CDKAL1: variants seen among roughly 807,000 people sequenced by gnomAD.
CDKAL1 encodes the protein CDKAL1 threonylcarbamoyladenosine tRNA methylthiotransferase, also known as threonylcarbamoyladenosine tRNA methylthiotransferase.
In CDKAL1, 32 loss-of-function variants were observed where a neutral mutation model predicts 68.2. That is an observed-to-expected ratio of 0.47 (90% CI 0.35 to 0.63). The LOEUF (loss-of-function observed/expected upper bound fraction) is 0.63. CDKAL1 is among the 30% of genes least tolerant of loss of function. The pLI, the probability that CDKAL1 is intolerant of heterozygous loss-of-function variation, is 0.00. For missense variants in CDKAL1, 606 were observed against 696.7 expected, an observed-to-expected ratio of 0.87 and a Z score of 1.47; for synonymous variants, 234 against 244.3, an observed-to-expected ratio of 0.96 and a Z score of 0.39.
intron 15 of CDKAL1, among the ~76,000 whole-genome samples, chr6:21,220,628 C>T (rs1353470465): frequency 6.6e-6 from 1 of 152,118 alleles, no homozygotes; most frequent in Non-Finnish European, 1.5e-5. Flanking sequence ...GTAAATGTAA[C>T]AAGCCAAAAA....
rs116068656 is a variant in CDKAL1 at position 20,655,377 on chromosome 6, C to T, written c.371+6000C>T. ...GGATCTCATCTAAAGTGGAGGTGTTCAGAATTGGAAGGAATACATTGACTT... is the reference window on the plus strand; with the variant it reads ...GGATCTCATCTAAAGTGGAGGTGTTTAGAATTGGAAGGAATACATTGACTT... On this transcript the variant is annotated intron_variant, in intron 5 of 15. Transcript: ENST00000274695. Among the ~76,000 whole-genome samples the T allele has an allele frequency of 2.7e-3, 412 of 152,180 alleles. 5 individuals are homozygous for T. Among genetic ancestry groups the T allele is most frequent in the African/African-American group, 9.3e-3 (385 of 41,512 alleles).
At chr6:20,791,837 C>T (rs1235708691) in intron 8 of CDKAL1, among the ~76,000 whole-genome samples, 3 of 151,450 alleles carry the variant, frequency 2.0e-5, no homozygotes, top group African/African-American at 2.4e-5. Flanking sequence ...TTTTTTCCCA[C>T]TTCTACTGGA....
chr6:20,603,836 G>A (rs1766215982), intron 4 of CDKAL1, among the ~76,000 whole-genome samples: 1 of 141,816 alleles, frequency 7.1e-6, no homozygotes, highest in African/African-American at 2.7e-5. Context: ...GAGTGCAGTG[G>A]TGTGATACCG....
At chr6:21,004,649 G>A (rs756992042) in intron 11 of CDKAL1, among the ~76,000 whole-genome samples, 3 of 152,080 alleles carry the variant, frequency 2.0e-5, no homozygotes, top group Admixed American at 6.6e-5. Flanking sequence ...CAAAGCAAGC[G>A]GTGCAATTCT....
chr6:20,912,896 C>A (rs1204865325), intron 9 of CDKAL1, among the ~76,000 whole-genome samples: 4 of 151,768 alleles, frequency 2.6e-5, no homozygotes, highest in African/African-American at 9.7e-5. Context: ...CCATTAAACT[C>A]TTAATCCTTA....
chr6:21,084,322 A>G (rs749106598), intron 12 of CDKAL1, among the ~76,000 whole-genome samples: 1 of 152,220 alleles, frequency 6.6e-6, no homozygotes, highest in East Asian at 1.9e-4. Context: ...AGGAGCAACT[A>G]AAGTTGGAAA....
intron 4 of CDKAL1, among the ~76,000 whole-genome samples, chr6:20,640,766 G>A (rs1297820194): frequency 1.3e-5 from 2 of 152,128 alleles, no homozygotes; most frequent in East Asian, 1.9e-4. Context: ...GAGTCAGTTT[G>A]TCTGGGTTTG....
At chr6:20,557,619 A>T (rs764175226) in intron 4 of CDKAL1, among the ~76,000 whole-genome samples, 1 of 152,098 alleles carries the variant, frequency 6.6e-6, no homozygotes, top group East Asian at 1.9e-4. Flanking sequence ...TCTCAAGATC[A>T]TTATTTAAAA....
At chr6:21,008,413 G>A (rs1767843029) in intron 11 of CDKAL1, among the ~76,000 whole-genome samples, 2 of 152,154 alleles carry the variant, frequency 1.3e-5, no homozygotes, top group South Asian at 4.1e-4. Flanking sequence ...TCAGGCCCGT[G>A]GAGGTGGAGA....
At chr6:20,629,699 C>G (rs905551892) in intron 4 of CDKAL1, among the ~76,000 whole-genome samples, 3 of 152,086 alleles carry the variant, frequency 2.0e-5, no homozygotes, top group African/African-American at 7.2e-5. Context: ...CACCCCAGGC[C>G]AGGCTGCCTT....
intron 13 of CDKAL1, among the ~76,000 whole-genome samples, chr6:21,167,011 C>A (rs1468024823): frequency 1.3e-5 from 2 of 152,152 alleles, no homozygotes; most frequent in African/African-American, 4.8e-5. Flanking sequence ...CCTCAGTTTC[C>A]TTATCTGTGT....
intron 10 of CDKAL1, among the ~76,000 whole-genome samples, chr6:20,991,893 T>C (rs1345498776): frequency 6.6e-6 from 1 of 151,054 alleles, no homozygotes; most frequent in Admixed American, 6.6e-5. Context: ...TGTATGTCTG[T>C]TTTACCACAA....
chr6:20,897,650 A>C (rs910646945), intron 9 of CDKAL1, among the ~76,000 whole-genome samples: 1 of 152,184 alleles, frequency 6.6e-6, no homozygotes, highest in African/African-American at 2.4e-5. Flanking sequence ...CTACAACATT[A>C]TCCTAATTAT....
At chr6:20,820,569 A>G (rs1777237318) in intron 8 of CDKAL1, among the ~76,000 whole-genome samples, 1 of 152,116 alleles carries the variant, frequency 6.6e-6, no homozygotes, top group Non-Finnish European at 1.5e-5. Context: ...ATAGTGAATG[A>G]CTTCTCTATT....
At chr6:21,188,093 TTTC>T in intron 13 of CDKAL1, among the ~76,000 whole-genome samples, 1 of 152,344 alleles carries the variant, frequency 6.6e-6, no homozygotes, top group South Asian at 2.1e-4. Flanking sequence ...CATTTATTGT[TTTC>T]TTACTGTTTT....
chr6:20,952,249 C>T (rs1382791199), intron 9 of CDKAL1, among the ~76,000 whole-genome samples: 1 of 152,126 alleles, frequency 6.6e-6, no homozygotes, highest in Non-Finnish European at 1.5e-5. Context: ...TGAGCCACTG[C>T]GCCCGCCCCC....
At chr6:20,765,684 T>C (rs916368985) in intron 7 of CDKAL1, among the ~76,000 whole-genome samples, 1 of 152,214 alleles carries the variant, frequency 6.6e-6, no homozygotes, top group Non-Finnish European at 1.5e-5. Context: ...CTAATTTCTT[T>C]ATGGCCCCAA....
intron 9 of CDKAL1, among the ~76,000 whole-genome samples, chr6:20,848,284 T>TTTGGTTTTTTTG (rs1235512539): frequency 1.0e-4 from 3 of 29,184 alleles, no homozygotes; most frequent in South Asian, 1.5e-3. Flanking sequence ...AAGTTGTTTT[T>TTTGGTTTTTTTG]TTTTTTTTTC....
At chr6:21,176,099 A>G (rs1777561633) in intron 13 of CDKAL1, among the ~76,000 whole-genome samples, 1 of 152,242 alleles carries the variant, frequency 6.6e-6, no homozygotes, top group South Asian at 2.1e-4. Context: ...GAACTGGCTA[A>G]TATTTGTAAA....
Sources: gnomAD v4.1 joint callset for allele counts (sites outside exome capture counted in the v4.1 genomes callset) on GRCh38, gnomAD v4.1.1 for gene constraint, MANE v1.5 for transcripts, NCBI Gene and HGNC (gene_info 2026-07-23, HGNC 2026-07-21) for gene names.